Variants in GPN1 observed in about 807,000 individuals in gnomAD.
GPN1 encodes ATP(GTP)-binding protein.
In GPN1, 44 loss-of-function variants were observed where a neutral mutation model predicts 55.9. That is an observed-to-expected ratio of 0.79 (90% confidence interval 0.62 to 1.01). The LOEUF (loss-of-function observed/expected upper bound fraction) is 1.01, where lower values mean the gene tolerates loss of function less well. Ranked by LOEUF, GPN1 falls within the 50% of genes least tolerant of loss-of-function variation. The pLI, the probability that GPN1 is intolerant of heterozygous loss-of-function variation, is 0.00. For missense variants in GPN1, 466 were observed against 462.8 expected (o/e 1.01, Z -0.06); for synonymous variants, 179 against 162.5 (o/e 1.10, Z -0.77).
At position 27,643,781 on chromosome 2, in the gene GPN1, A is replaced by G. The variant is rs997412436; in HGVS notation, c.931+1262A>G. On this transcript the variant is annotated intron_variant, in intron 12 of 13. Transcript: ENST00000610189. This position sits in a 1 kb window ranked among gnomAD's most constrained non-coding sequence, Gnocchi z 4.0. ...CTAATTTTTGAATTGTGTTTTTTCA[A>G]GGAATCACATTGGGAGGCACGTGAT... Among the ~76,000 whole-genome samples, 5 of 152,224 alleles carry G rather than the reference A, an allele frequency of 3.3e-5. No homozygotes were observed. The highest frequency in any genetic ancestry group is 1.5e-5 in the Non-Finnish European group (1 of 68,044).
chr2:27,629,947 A>T lies in GPN1; in HGVS notation c.200A>T (p.Asn67Ile). ...GTACATGAAGTTCCCTTTCCTGCCAATATTGGTGAGTAAACCAGTAACATA... is the reference window on the plus strand; with the variant it reads ...GTACATGAAGTTCCCTTTCCTGCCATTATTGGTGAGTAAACCAGTAACATA... Reference protein sequence around the residue: ...PAVHEVPFPANIDIRDTVKYK... With the variant: ...PAVHEVPFPAIIDIRDTVKYK... The change falls in exon 2 of 14, where the codon AAT becomes ATT. Residue 67 changes from asparagine to isoleucine, a missense_variant. By Grantham distance (149) the Asn-to-Ile change is moderately radical. Transcript: ENST00000610189. 1 of 1,547,504 alleles carries T rather than the reference A, an allele frequency of 6.5e-7. No homozygotes were observed. The highest frequency in any genetic ancestry group is 1.4e-5 in the African/African-American group (1 of 73,720).
intron 1 of GPN1, chr2:27,629,428 T>C (rs1292994795): frequency 1.3e-6 from 2 of 1,549,454 alleles, no homozygotes; most frequent in Admixed American, 3.9e-5. Context: ...GCTGATAAAA[T>C]TGCGTTTCTC....
At chr2:27,629,974 C>G in intron 2 of GPN1, 22 bp downstream of exon 2, 1 of 1,301,772 alleles carries the variant, frequency 7.7e-7, no homozygotes, top group Non-Finnish European at 1.1e-6. Context: ...AGTAACATAA[C>G]TTGTGTGCAG....
rs944671211 is a variant in GPN1, at chr2:27,643,183, T to A, written c.931+664T>A. ...ACTTTTAACCCTCCTCAATTTTTTTTATAATTAAAAAAAATTTTTTTTTTT... is the reference window on the plus strand; with the variant it reads ...ACTTTTAACCCTCCTCAATTTTTTTAATAATTAAAAAAAATTTTTTTTTTT... On this transcript the variant is annotated intron_variant, in intron 12 of 13. Coordinates refer to ENST00000610189, the MANE Select transcript of GPN1 (RefSeq NM_007266.4). The surrounding 1 kb of genome is among the most constrained non-coding windows in gnomAD (Gnocchi z 4.0). 6.6e-6 allele frequency among the ~76,000 whole-genome samples: 1 copy of A among 150,888 alleles called. No homozygotes were observed. The highest frequency in any genetic ancestry group is 2.4e-5 in the African/African-American group (1 of 41,190).
chr2:27,634,899 C>T lies in GPN1; in HGVS notation c.404C>T (p.Ser135Phe). 6.2e-7 allele frequency: 1 copy of T among 1,600,932 alleles called. No individual in the cohort carries two copies. Among genetic ancestry groups the T allele is most frequent in the Non-Finnish European group, 8.6e-7 (1 of 1,167,956 alleles). Residue 135 changes from serine to phenylalanine, a missense_variant, in exon 6 of 14, where the codon TCT becomes TTT. Transcript: ENST00000610189. ...GQIEVFTWSA[S>F]GTIITEALAS... is the part of the protein sequence containing the mutation. ...ATTGAGGTATTCACCTGGTCAGCTT[C>T]TGGGACAATTATCACTGAAGCCCTT...
chr2:27,628,447 A>G, upstream of GPN1: 2 of 1,551,626 alleles, frequency 1.3e-6, no homozygotes, highest in East Asian at 4.9e-5. Context: ...TAGTTCACTG[A>G]GGGTGACTGC....
intron 12 of GPN1, among the ~76,000 whole-genome samples, chr2:27,642,956 T>TACACACACACACACACACACAC (rs764872511): frequency 5.8e-5 from 5 of 85,732 alleles, no homozygotes; most frequent in East Asian, 3.1e-4. Flanking sequence ...TATATATATA[T>TACACACACACACACACACACAC]ATACACACAC....
chr2:27,638,097 C>A (rs1207280078), intron 7 of GPN1, 113 bp from the exon 8 acceptor site: 1 of 646,208 alleles, frequency 1.5e-6, no homozygotes, highest in Non-Finnish European at 2.8e-6. Context: ...TGGATGACTA[C>A]TTTTTAGATT....
chr2:27,633,222 A>T (rs903909325), intron 5 of GPN1, among the ~76,000 whole-genome samples: 1 of 152,248 alleles, frequency 6.6e-6, no homozygotes, highest in South Asian at 2.1e-4. Flanking sequence ...ATCATCATTC[A>T]GCGACTAGCA....
intron 8 of GPN1, 128 bp downstream of exon 8, chr2:27,638,383 A>T: frequency 1.6e-6 from 1 of 612,318 alleles, no homozygotes; most frequent in Non-Finnish European, 2.9e-6. Context: ...AAACAAATTC[A>T]TAGGCACTTC....
chr2:27,629,326 C>T (rs1673435497), intron 1 of GPN1, 157 bp downstream of exon 1: 2 of 1,503,120 alleles, frequency 1.3e-6, no homozygotes, highest in South Asian at 1.2e-5. Flanking sequence ...GGCAAAGCCT[C>T]CTCGGGCCCT....
rs764059521 is a variant in GPN1 at position 27,639,048 on chromosome 2, G to C, written c.717+17G>C. ...TCACTCAGGGTAAATTTTCTCTCCT[G>C]CTCACACTGACAGCCTCTCCAGATA... On this transcript the variant is annotated intron_variant, in intron 9 of 13. Coordinates refer to ENST00000610189, the MANE Select transcript of GPN1 (RefSeq NM_007266.4). 26 of 1,584,098 alleles carry C rather than the reference G, an allele frequency of 1.6e-5. 1 individual carries two copies. The South Asian group carries it at 2.7e-4, about 17-fold the overall frequency.
chr2:27,634,370 G>C (rs1321826678), intron 5 of GPN1, among the ~76,000 whole-genome samples: 1 of 152,020 alleles, frequency 6.6e-6, no homozygotes, highest in Non-Finnish European at 1.5e-5. Flanking sequence ...CAATTCAGTG[G>C]CTTTTAGTAT....
intron 5 of GPN1, among the ~76,000 whole-genome samples, 155 bp downstream of exon 5, chr2:27,632,825 T>C (rs1191589652): frequency 6.6e-6 from 1 of 152,208 alleles, no homozygotes; most frequent in African/African-American, 2.4e-5. Context: ...TAAGATGCTT[T>C]AGAATATAGA....
chr2:27,634,983 T>A, intron 6 of GPN1, 59 bp downstream of exon 6: 1 of 1,048,248 alleles, frequency 9.5e-7, no homozygotes, highest in Non-Finnish European at 1.5e-6. Flanking sequence ...GGATGAGCAT[T>A]TATTTTTAAT....
rs777542021 is a variant in GPN1 at position 27,629,839 on chromosome 2, C to G, written c.112-20C>G. ...GTCCCCTCTTTGTCTCCTTCCAACCCTCTCCCCATATCTCTGCAGAGGCTC... is the reference window on the plus strand; with the variant it reads ...GTCCCCTCTTTGTCTCCTTCCAACCGTCTCCCCATATCTCTGCAGAGGCTC... On this transcript the variant is annotated intron_variant, in intron 1 of 13. Coordinates refer to ENST00000610189, the MANE Select transcript of GPN1 (RefSeq NM_007266.4). The G allele has an allele frequency of 7.2e-7, 1 of 1,394,904 alleles. No homozygotes were observed. The highest frequency in any genetic ancestry group is 1.0e-6 in the Non-Finnish European group (1 of 979,846). The allele number at this position is 1,394,904 out of a possible 1,614,324, so 86.4% of individuals were successfully genotyped here.
At chr2:27,647,664 A>G (rs539378922) in intron 12 of GPN1, among the ~76,000 whole-genome samples, 172 bp from the exon 13 acceptor site, 1 of 152,354 alleles carries the variant, frequency 6.6e-6, no homozygotes, top group South Asian at 2.1e-4. Context: ...TTTGTGAACT[A>G]AGCTATTATA....
chr2:27,631,326 C>A, intron 3 of GPN1: 1 of 515,352 alleles, frequency 1.9e-6, no homozygotes, highest in East Asian at 3.4e-5. Context: ...CTGGGTCCCA[C>A]AAGGTAGTAT....
intron 1 of GPN1, chr2:27,629,519 G>A: frequency 2.1e-6 from 2 of 932,582 alleles, no homozygotes; most frequent in East Asian, 2.6e-5. Flanking sequence ...AATATTTCTT[G>A]CACGCCTGTC....
Sources: gnomAD v4.1 joint callset for allele counts (sites outside exome capture counted in the v4.1 genomes callset) on GRCh38, gnomAD v4.1.1 for gene constraint, Gnocchi (gnomAD v3.1) non-coding constraint, MANE v1.5 for transcripts, NCBI Gene and HGNC (gene_info 2026-07-23, HGNC 2026-07-21) for gene names.